Variants in DAP observed in about 807,000 individuals in gnomAD.
The protein encoded by DAP is death associated protein.
A neutral mutation model predicts 13.8 loss-of-function variants in DAP; 8 were observed. That is an observed-to-expected ratio of 0.58 (90% confidence interval 0.34 to 1.05). The LOEUF is 1.05. DAP is among the 50% of genes least tolerant of loss of function. The pLI, the probability that DAP is intolerant of heterozygous loss-of-function variation, is 0.03. For synonymous variants in DAP, 47 were observed against 47.5 expected, an observed-to-expected ratio of 0.99 and a Z score of 0.04; for missense variants, 106 against 133.2, an observed-to-expected ratio of 0.80 and a Z score of 1.01.
Position 10,707,507 on chromosome 5 carries a change from G to A in DAP, c.153-23936C>T, listed in dbSNP as rs1227438102. The stretch of plus-strand genomic sequence containing the variant: ...ATAAACTATGTGGTGCACAGGCAGT[G>A]TGATGCATAGGTGGTGTGATGCATG... On this transcript the variant is annotated intron_variant, in intron 2 of 3. Coordinates refer to ENST00000230895, the MANE Select transcript of DAP (RefSeq NM_004394.3). The surrounding 1 kb of genome is among the most constrained non-coding windows in gnomAD (Gnocchi z 4.0). Among the ~76,000 whole-genome samples the A allele has an allele frequency of 1.3e-5, 2 of 152,088 alleles. No individual in the cohort carries two copies. The highest frequency in any genetic ancestry group is 1.3e-4 in the Admixed American group (2 of 15,284).
At chr5:10,705,015 C>T (rs747194167) in intron 2 of DAP, among the ~76,000 whole-genome samples, 3 of 152,196 alleles carry the variant, frequency 2.0e-5, no homozygotes, top group Non-Finnish European at 4.4e-5. Context: ...GGCTCTCATC[C>T]TGCAATGCAA....
chr5:10,704,870 C>T (rs1738662335), intron 2 of DAP, among the ~76,000 whole-genome samples: 1 of 152,128 alleles, frequency 6.6e-6, no homozygotes, highest in South Asian at 2.1e-4. Flanking sequence ...GGTAGACAGT[C>T]CCTGTGGTCG....
chr5:10,698,055 C>T (rs1452356645), intron 2 of DAP, among the ~76,000 whole-genome samples: 2 of 152,118 alleles, frequency 1.3e-5, no homozygotes, highest in East Asian at 3.9e-4. Context: ...CCTGAATTCA[C>T]CAGGAATTAT....
chr5:10,716,073 T>C lies in DAP; in HGVS notation c.152+32102A>G, dbSNP rs192476575. On this transcript the variant is annotated intron_variant, in intron 2 of 3. Coordinates refer to ENST00000230895, the MANE Select transcript of DAP (RefSeq NM_004394.3). ...TATTGGCATTGCTCCCTTTAGCTGA[T>C]AGCTGTGGCCAGTTTTAGAAGTGTG... is the stretch of plus-strand genomic sequence containing the variant. Among the ~76,000 whole-genome samples the C allele has an allele frequency of 3.9e-5, 6 of 152,334 alleles. No individual in the cohort carries two copies. The East Asian group carries it at 9.6e-4, about 24-fold the overall frequency.
chr5:10,684,323 C>T (rs1738104361), intron 2 of DAP, among the ~76,000 whole-genome samples: 2 of 152,156 alleles, frequency 1.3e-5, no homozygotes, highest in African/African-American at 4.8e-5. Flanking sequence ...ATTCTAGAGC[C>T]AACACAAACC....
intron 2 of DAP, among the ~76,000 whole-genome samples, chr5:10,747,182 C>T (rs887219562): frequency 6.6e-6 from 1 of 152,230 alleles, no homozygotes; most frequent in Admixed American, 6.5e-5. Context: ...GAGACATCAT[C>T]TGGAGACAGG....
intron 2 of DAP, among the ~76,000 whole-genome samples, chr5:10,737,224 T>C (rs1739633537): frequency 6.6e-6 from 1 of 151,888 alleles, no homozygotes; most frequent in African/African-American, 2.4e-5. Flanking sequence ...ATGTAGCCTG[T>C]AATCCCAGCT....
chr5:10,736,503 C>A lies in DAP; in HGVS notation c.152+11672G>T, dbSNP rs572137248. Among the ~76,000 whole-genome samples, 757 of 152,318 alleles carry A rather than the reference C, an allele frequency of 5.0e-3. 2 individuals carry two copies. The highest frequency in any genetic ancestry group is 0.014 in the Middle Eastern group (4 of 294). The stretch of plus-strand genomic sequence containing the variant: ...ATGTCATCCTGCATGGGGCTTCACA[C>A]GCAGCGGATGCTGCCAGCAGACTCG... On this transcript the variant is annotated intron_variant, in intron 2 of 3. Coordinates refer to ENST00000230895, the MANE Select transcript of DAP (RefSeq NM_004394.3).
intron 2 of DAP, among the ~76,000 whole-genome samples, chr5:10,717,551 G>C (rs1173329782): frequency 4.6e-5 from 7 of 152,122 alleles, no homozygotes; most frequent in African/African-American, 1.7e-4. Flanking sequence ...GCTGCCACCA[G>C]CCTTTGCACC....
At chr5:10,723,378 G>A (rs1261852972) in intron 2 of DAP, among the ~76,000 whole-genome samples, 4 of 152,228 alleles carry the variant, frequency 2.6e-5, no homozygotes, top group Non-Finnish European at 5.9e-5. Context: ...TTAGTACAGC[G>A]ATCAGCTCAG....
chr5:10,716,259 A>T (rs977046606), intron 2 of DAP, among the ~76,000 whole-genome samples: 1 of 152,230 alleles, frequency 6.6e-6, no homozygotes, highest in African/African-American at 2.4e-5. Flanking sequence ...ACTAAGAGAA[A>T]TTGTGCTTTC....
chr5:10,681,177 G>T lies in DAP; in HGVS notation c.196-8C>A. The T allele has an allele frequency of 1.3e-6, 2 of 1,486,196 alleles. No individual in the cohort carries two copies. Among genetic ancestry groups the T allele is most frequent in the South Asian group, 1.4e-5 (1 of 70,538 alleles). 92.1% of individuals were successfully genotyped at this position (1,486,196 alleles called of 1,614,324 possible). A position where few individuals can be genotyped will look rare whatever the true frequency, so the allele number is the denominator to read the frequency against. ...GGGGAAATCTTTGTCACCCTGTCAGGAAACACGGAAAGCTCAGGTTAATCA... is the reference window on the plus strand; with the variant it reads ...GGGGAAATCTTTGTCACCCTGTCAGTAAACACGGAAAGCTCAGGTTAATCA... On this transcript the variant is annotated splice_region_variant and splice_polypyrimidine_tract_variant and intron_variant, in intron 3 of 3. Coordinates refer to ENST00000230895, the MANE Select transcript of DAP (RefSeq NM_004394.3).
chr5:10,698,952 G>C (rs1006738089), intron 2 of DAP, among the ~76,000 whole-genome samples: 2 of 152,238 alleles, frequency 1.3e-5, no homozygotes, highest in Admixed American at 1.3e-4. Flanking sequence ...AATGAAATTT[G>C]CTTAGTTCTG....
chr5:10,705,375 C>T (rs1016418154), intron 2 of DAP, among the ~76,000 whole-genome samples: 2 of 152,208 alleles, frequency 1.3e-5, no homozygotes, highest in Non-Finnish European at 2.9e-5. Context: ...GTGGGAGGCC[C>T]AGGCTAGGGA....
At chr5:10,731,919 G>T (rs1296004593) in intron 2 of DAP, among the ~76,000 whole-genome samples, 1 of 152,224 alleles carries the variant, frequency 6.6e-6, no homozygotes, top group Admixed American at 6.5e-5. Context: ...AAAAGCCCCA[G>T]GCACCCACCT....
At chr5:10,741,436 A>T (rs997055595) in intron 2 of DAP, among the ~76,000 whole-genome samples, 10 of 152,090 alleles carry the variant, frequency 6.6e-5, no homozygotes, top group African/African-American at 2.4e-4. Flanking sequence ...GGCTTTTAAA[A>T]TTTTTTCTTG....
rs1173568954 is a variant in DAP at position 10,761,209 on chromosome 5, C to G, written c.-141G>C. 2 of 300,960 alleles carry G rather than the reference C, an allele frequency of 6.6e-6. No individual in the cohort carries two copies. Among genetic ancestry groups the G allele is most frequent in the Non-Finnish European group, 1.1e-5 (2 of 180,844 alleles). The allele number at this position is 300,960 out of a possible 1,614,324, so 18.6% of individuals were successfully genotyped here. On this transcript the variant is annotated 5_prime_UTR_variant, in exon 1 of 4. Transcript: ENST00000230895. ...GCGCGCGTGGGGCGCCGGGGCCGCG[C>G]GAGCCGGGTGAGTGCCACTGCCGTT...
At position 10,681,117 on chromosome 5, in the gene DAP, T is replaced by C. The variant is rs1381868157; in HGVS notation, c.248A>G (p.His83Arg). 1.3e-6 allele frequency: 2 copies of C among 1,565,402 alleles called. No individual in the cohort carries two copies. The highest frequency in any genetic ancestry group is 2.3e-5 in the East Asian group (1 of 44,226). Residue 83 changes from histidine (H) to arginine (R), a missense_variant, in exon 4 of 4, where the codon CAT becomes CGT. By Grantham distance (29) the His-to-Arg change is conservative. Coordinates refer to ENST00000230895, the MANE Select transcript of DAP (RefSeq NM_004394.3). ...AAAQVAHQKP[H>R]ASMDKHPSPR... ...GGAAGGATGCTTGTCCATGGAGGCA[T>C]GCGGCTTCTGGTGAGCCACCTGCGC...
intron 1 of DAP, among the ~76,000 whole-genome samples, chr5:10,750,844 G>C (rs568102472): frequency 5.3e-5 from 8 of 152,238 alleles, no homozygotes; most frequent in Admixed American, 1.3e-4. Flanking sequence ...CATGGGGCCT[G>C]TGATGCAGAC....
Sources: allele counts gnomAD v4.1 joint callset (sites outside exome capture counted in the v4.1 genomes callset), GRCh38; gene constraint gnomAD v4.1.1; non-coding constraint Gnocchi (gnomAD v3.1); transcripts MANE v1.5; gene names NCBI Gene and HGNC (gene_info 2026-07-23, HGNC 2026-07-21).